PLD1: variants seen among roughly 807,000 people sequenced by gnomAD.
The protein encoded by PLD1 is phospholipase D1, also known as choline phosphatase 1.
A neutral mutation model predicts 137.1 loss-of-function variants in PLD1; 112 were observed. The observed-to-expected ratio is 0.82, with a 90% confidence interval of 0.70 to 0.96. The LOEUF is 0.96. Ranked by LOEUF, PLD1 falls within the 40% of genes least tolerant of loss-of-function variation. The probability of loss-of-function intolerance (pLI) is 0.00; values close to 1 mark genes in which losing one functional copy is unlikely to be tolerated. For missense variants in PLD1, 1,321 were observed against 1,342.0 expected (o/e 0.98, Z 0.24); for synonymous variants, 431 against 454.7 (o/e 0.95, Z 0.66).
At chr3:171,730,597 T>C (rs910902488) in intron 6 of PLD1, among the ~76,000 whole-genome samples, 1 of 151,814 alleles carries the variant, frequency 6.6e-6, no homozygotes, top group Admixed American at 6.6e-5. Flanking sequence ...CCAAATTCCT[T>C]TGGGGAAAAT....
At chr3:171,755,098 C>T (rs1720927216) in intron 1 of PLD1, among the ~76,000 whole-genome samples, 1 of 152,084 alleles carries the variant, frequency 6.6e-6, no homozygotes, top group African/African-American at 2.4e-5. Flanking sequence ...AATCCTGGGC[C>T]ACACGAACTA....
Position 171,709,015 on chromosome 3 carries a change from C to T in PLD1, c.1062-177G>A, listed in dbSNP as rs1578326814. ...GAAAATACCAAGTTTCCTCTGCTGCCTAGGAAGGGCAGTAAGTGTAAGCAG... is the reference window on the plus strand; with the variant it reads ...GAAAATACCAAGTTTCCTCTGCTGCTTAGGAAGGGCAGTAAGTGTAAGCAG... On this transcript the variant is annotated intron_variant, in intron 10 of 26. Coordinates refer to ENST00000351298, the MANE Select transcript of PLD1 (RefSeq NM_002662.5). 5 of 580,848 alleles carry T rather than the reference C, an allele frequency of 8.6e-6. No individual in the cohort carries two copies. In the East Asian group the frequency reaches 1.4e-4, roughly 16 times the overall value. The allele number at this position is 580,848 out of a possible 1,614,324, so 36.0% of individuals were successfully genotyped here.
intron 1 of PLD1, among the ~76,000 whole-genome samples, chr3:171,773,788 A>G (rs1465449210): frequency 6.6e-6 from 1 of 151,520 alleles, no homozygotes; most frequent in South Asian, 2.1e-4. Flanking sequence ...TCGCTCTGTC[A>G]CCCAGGCGGG....
rs551825426 is a variant in PLD1 at position 171,637,446 on chromosome 3, G to A, written c.2593+5394C>T. On this transcript the variant is annotated intron_variant, in intron 23 of 26. Coordinates refer to ENST00000351298, the MANE Select transcript of PLD1 (RefSeq NM_002662.5). The stretch of plus-strand genomic sequence containing the variant: ...AGATGGGTTTCACCATGTTGGCCAG[G>A]ATGGTCTCGATCTCTTGACCTCGTG... 7.9e-5 allele frequency among the ~76,000 whole-genome samples: 12 copies of A among 152,146 alleles called. No individual in the cohort carries two copies. The South Asian group carries it at 1.5e-3, about 18-fold the overall frequency.
intron 1 of PLD1, among the ~76,000 whole-genome samples, chr3:171,800,368 C>T (rs1212286054): frequency 6.6e-6 from 1 of 152,066 alleles, no homozygotes; most frequent in East Asian, 1.9e-4. Flanking sequence ...ACCACCACAC[C>T]TGGCTAATTG....
chr3:171,743,343 C>G (rs1578396390), intron 1 of PLD1, among the ~76,000 whole-genome samples: 1 of 152,310 alleles, frequency 6.6e-6, no homozygotes, highest in East Asian at 1.9e-4. Context: ...TCTGGCTGGG[C>G]TACTCTAAGA....
chr3:171,795,096 C>A (rs1404356992), intron 1 of PLD1, among the ~76,000 whole-genome samples: 1 of 152,216 alleles, frequency 6.6e-6, no homozygotes, highest in Non-Finnish European at 1.5e-5. Flanking sequence ...CCTTCATTGG[C>A]CTCCTTTTAC....
At chr3:171,770,559 A>T (rs78427560) in intron 1 of PLD1, among the ~76,000 whole-genome samples, 480 of 152,244 alleles carry the variant, frequency 3.2e-3, no homozygotes, top group African/African-American at 0.011. Context: ...TAGAAGGTCT[A>T]GTGCGACGAC....
At chr3:171,692,532 C>CA in intron 12 of PLD1, 90 bp from the exon 13 acceptor site, 1 of 634,618 alleles carries the variant, frequency 1.6e-6, no homozygotes. Flanking sequence ...TACTTTCTTT[C>CA]TTTTTTTTTT....
intron 9 of PLD1, among the ~76,000 whole-genome samples, chr3:171,712,742 G>C (rs1247381374): frequency 6.6e-6 from 1 of 152,196 alleles, no homozygotes; most frequent in African/African-American, 2.4e-5. Flanking sequence ...GGGAAATGCA[G>C]ATGAAGTGGC....
chr3:171,626,748 A>G (rs907110137), intron 23 of PLD1, among the ~76,000 whole-genome samples: 57 of 149,722 alleles, frequency 3.8e-4, no homozygotes, highest in African/African-American at 1.3e-3. Context: ...TATCCAGCCA[A>G]ACTAAGCTTC....
chr3:171,687,731 G>A lies in PLD1; in HGVS notation c.1540-147C>T, dbSNP rs935569937. The A allele has an allele frequency of 5.2e-5, 32 of 618,684 alleles. No individual in the cohort carries two copies. The African/African-American group carries it at 5.9e-4, about 11-fold the overall frequency. The allele number at this position is 618,684 out of a possible 1,614,324, so 38.3% of individuals were successfully genotyped here. On this transcript the variant is annotated intron_variant, in intron 14 of 26. Transcript: ENST00000351298. ...AATAATGTCTGAGGTCAGCCACAGG[G>A]TAGTGGTGGATTCTTGTGAACTGTT...
chr3:171,695,970 C>G (rs1470519012), intron 12 of PLD1, among the ~76,000 whole-genome samples: 1 of 152,164 alleles, frequency 6.6e-6, no homozygotes, highest in Non-Finnish European at 1.5e-5. Flanking sequence ...GATACCTTCC[C>G]TGCAAGCCAC....
At chr3:171,629,025 GAGA>G (rs1734406168) in intron 23 of PLD1, among the ~76,000 whole-genome samples, 1 of 147,976 alleles carries the variant, frequency 6.8e-6, no homozygotes. Flanking sequence ...AATTAGGCAG[GAGA>G]AGGAAATAAA....
At chr3:171,614,248 C>A (rs1732907495) in intron 24 of PLD1, among the ~76,000 whole-genome samples, 1 of 152,118 alleles carries the variant, frequency 6.6e-6, no homozygotes, top group Non-Finnish European at 1.5e-5. Flanking sequence ...AAAGTGGGAA[C>A]CTTTGAAACA....
chr3:171,791,781 T>C (rs1723223244), intron 1 of PLD1: 1 of 150,700 alleles, frequency 6.6e-6, no homozygotes, highest in Non-Finnish European at 1.5e-5. Flanking sequence ...TTTTTTTTTG[T>C]TTTGTTTTAG....
chr3:171,792,487 T>A (rs1230892538), intron 1 of PLD1: 1 of 433,384 alleles, frequency 2.3e-6, no homozygotes, highest in South Asian at 1.7e-5. Context: ...CACCAGCTGA[T>A]CTGCAAGGTG....
chr3:171,642,815 T>C (rs370546174), intron 23 of PLD1, 25 bp downstream of exon 23: 211 of 1,385,944 alleles, frequency 1.5e-4, no homozygotes, highest in Non-Finnish European at 2.0e-4. Flanking sequence ...AAAACAATGA[T>C]ATGAGAAAAA....
At chr3:171,755,822 TC>T in intron 1 of PLD1, among the ~76,000 whole-genome samples, 1 of 152,336 alleles carries the variant, frequency 6.6e-6, no homozygotes, top group South Asian at 2.1e-4. Context: ...TTCAGACCTA[TC>T]TATCCAGCTG....
Sources: allele counts gnomAD v4.1 joint callset (sites outside exome capture counted in the v4.1 genomes callset), GRCh38; gene constraint gnomAD v4.1.1; transcripts MANE v1.5; gene names NCBI Gene and HGNC (gene_info 2026-07-23, HGNC 2026-07-21).